The following SETX variants were observed in gnomAD, a reference collection of about 807,000 sequenced individuals.
SETX encodes helicase senataxin.
A neutral mutation model predicts 227.2 loss-of-function variants in SETX; 90 were observed. The ratio of observed to expected loss-of-function variants is 0.40; its 90% CI spans 0.33 to 0.47. The LOEUF (loss-of-function observed/expected upper bound fraction) is 0.47, where lower values mean the gene tolerates loss of function less well. Among genes scored for constraint, SETX ranks in the 20% least tolerant of loss-of-function variants. SETX has a pLI of 0.91. For missense variants in SETX, 3,052 were observed against 3,181.5 expected (o/e 0.96, Z 0.98); for synonymous variants, 1,210 against 1,113.2 (o/e 1.09, Z -1.73).
At chr9:132,283,243 T>A in intron 19 of SETX, 21 bp downstream of exon 19, 1 of 1,613,904 alleles carries the variant, frequency 6.2e-7, no homozygotes. Flanking sequence ...GTCAAAGTTG[T>A]ATGGCTGACC....
At chr9:132,287,295 G>C (rs1346510176) in intron 17 of SETX, among the ~76,000 whole-genome samples, 1 of 152,098 alleles carries the variant, frequency 6.6e-6, no homozygotes, top group Non-Finnish European at 1.5e-5. Flanking sequence ...ACCACCCTGG[G>C]CAACATGGCA....
chr9:132,327,175 T>G lies in SETX; in HGVS notation c.4423A>C (p.Ile1475Leu). The change falls in exon 10 of 26, where the codon ATA becomes CTA. Residue 1475 changes from isoleucine (I) to leucine (L), a missense_variant. By Grantham distance (5) the Ile-to-Leu change is conservative. Coordinates refer to ENST00000224140, the MANE Select transcript of SETX (RefSeq NM_015046.7). ...CCTTCTTTCAAAGCTGCCATCTCTA[T>G]ATGACGTGCTGTTGGATCACCTCCA... ...LGGGDPTARH[I>L]EMAALKEGEP... is the part of the protein sequence containing the mutation. 6.2e-7 allele frequency: 1 copy of G among 1,614,228 alleles called. No individual in the cohort carries two copies. The highest frequency in any genetic ancestry group is 8.5e-7 in the Non-Finnish European group (1 of 1,180,034).
Position 132,283,491 on chromosome 9 carries a change from C to T in SETX, c.6397-78G>A, listed in dbSNP as rs554839680. 19 of 1,493,862 alleles carry T rather than the reference C, an allele frequency of 1.3e-5. No homozygotes were observed. The South Asian group carries it at 1.6e-4, about 13-fold the overall frequency. The allele number at this position is 1,493,862 out of a possible 1,614,324, so 92.5% of individuals were successfully genotyped here. On this transcript the variant is annotated intron_variant, in intron 18 of 25. Transcript: ENST00000224140. ...TGACAGGCCTATGTTTACTATAAAACACTCACTATTTATTAAAATAGATTT... is the reference window on the plus strand; with the variant it reads ...TGACAGGCCTATGTTTACTATAAAATACTCACTATTTATTAAAATAGATTT...
chr9:132,348,145 C>T (rs539474651), intron 3 of SETX, among the ~76,000 whole-genome samples: 3 of 151,282 alleles, frequency 2.0e-5, no homozygotes, highest in South Asian at 2.1e-4. Flanking sequence ...GATCACCTGA[C>T]GTCAGGAGTT....
At chr9:132,292,415 CAAAAAAAAAA>C (rs60253119) in intron 15 of SETX, among the ~76,000 whole-genome samples, 8 of 61,092 alleles carry the variant, frequency 1.3e-4, no homozygotes, top group African/African-American at 3.2e-4. Context: ...AGCTGGGGTA[CAAAAAAAAAA>C]AAAAAAAAAA....
At chr9:132,331,174 C>G (rs1199060000) in intron 8 of SETX, 35 bp from the exon 9 acceptor site, 8 of 1,607,296 alleles carry the variant, frequency 5.0e-6, no homozygotes, top group Non-Finnish European at 6.8e-6. Flanking sequence ...ATTACTGAAA[C>G]GAAGGGGGAA....
intron 24 of SETX, 59 bp from the exon 25 acceptor site, chr9:132,269,761 G>A: frequency 6.6e-7 from 1 of 1,515,970 alleles, no homozygotes; most frequent in Non-Finnish European, 9.2e-7. Flanking sequence ...GCCCATGTGA[G>A]ACAAAGGTGG....
At chr9:132,336,264 A>G (rs1230775080) in intron 6 of SETX, 32 bp downstream of exon 6, 2 of 1,558,276 alleles carry the variant, frequency 1.3e-6, no homozygotes, top group Non-Finnish European at 1.8e-6. Flanking sequence ...ATACGAAAAT[A>G]CCAATTATAT....
intron 20 of SETX, among the ~76,000 whole-genome samples, chr9:132,278,969 C>T (rs1444639951): frequency 1.3e-5 from 2 of 152,174 alleles, no homozygotes; most frequent in Non-Finnish European, 2.9e-5. Flanking sequence ...GAAACAGACT[C>T]GACTTATGTG....
chr9:132,275,565 A>G (rs779838163), intron 22 of SETX, 145 bp from the exon 23 acceptor site: 94 of 669,176 alleles, frequency 1.4e-4, no homozygotes, highest in Non-Finnish European at 2.2e-4. Flanking sequence ...CAGTGACTCC[A>G]AGAGGCTGTT....
intron 2 of SETX, among the ~76,000 whole-genome samples, chr9:132,353,168 T>C (rs1748654861): frequency 6.6e-6 from 1 of 152,104 alleles, no homozygotes; most frequent in South Asian, 2.1e-4. Context: ...ATTGCTGAGC[T>C]CAACACACAC....
At position 132,264,593 on chromosome 9, in the gene SETX, G is replaced by A. The variant is rs764041020; in HGVS notation, c.7680C>T (p.Pro2560=). ...TTGCTCCAGGATGCTGGGGGCTCGA[G>A]GGTTGTGGATCCCAAAGGAATATTC... ...KGGIFLWDPQ[P]SSPQHPGATP... The change falls in exon 26 of 26, where the codon CCC becomes CCT. Residue 2560 remains proline (P), a synonymous_variant. Coordinates refer to ENST00000224140, the MANE Select transcript of SETX (RefSeq NM_015046.7). The A allele has an allele frequency of 2.5e-6, 4 of 1,614,206 alleles. No individual in the cohort carries two copies. The highest frequency in any genetic ancestry group is 1.3e-5 in the African/African-American group (1 of 75,036).
chr9:132,314,877 A>AATTATT (rs201618792), intron 10 of SETX, among the ~76,000 whole-genome samples: 13 of 148,446 alleles, frequency 8.8e-5, no homozygotes, highest in African/African-American at 3.2e-4. Flanking sequence ...CTTTAAAAAA[A>AATTATT]ATTATTATTA....
At chr9:132,316,679 A>C (rs1030641136) in intron 10 of SETX, among the ~76,000 whole-genome samples, 28 of 152,018 alleles carry the variant, frequency 1.8e-4, no homozygotes, top group African/African-American at 6.5e-4. Flanking sequence ...TCCTTTCCCC[A>C]CTGATTTGTG....
chr9:132,285,619 C>T (rs750797463), intron 18 of SETX, among the ~76,000 whole-genome samples: 139 of 152,156 alleles, frequency 9.1e-4, no homozygotes, highest in South Asian at 1.9e-3. Flanking sequence ...TGGTGGCTCA[C>T]GCCTGTAATC....
At chr9:132,315,698 T>C (rs559739819) in intron 10 of SETX, among the ~76,000 whole-genome samples, 3 of 152,328 alleles carry the variant, frequency 2.0e-5, no homozygotes, top group East Asian at 1.9e-4. Context: ...TGCACAAAAA[T>C]TGTCCACCCA....
At position 132,268,600 on chromosome 9, in the gene SETX, A is replaced by C. The variant is rs1303981152; in HGVS notation, c.7287+1015T>G. On this transcript the variant is annotated intron_variant, in intron 25 of 25. Transcript: ENST00000224140. ...GATTACCCCAGTGAATCTTAGCCTA[A>C]ACAAGCAGGAATGGAAGTACAATTT... is the stretch of plus-strand genomic sequence containing the variant. 1.3e-5 allele frequency among the ~76,000 whole-genome samples: 2 copies of C among 152,244 alleles called. 1 individual carries two copies. The highest frequency in any genetic ancestry group is 4.8e-5 in the African/African-American group (2 of 41,480).
chr9:132,274,589 G>A (rs553637633), intron 23 of SETX, among the ~76,000 whole-genome samples: 4 of 151,852 alleles, frequency 2.6e-5, no homozygotes, highest in Middle Eastern at 3.4e-3. Context: ...CTACGGGAGC[G>A]CGCCACCACG....
rs551253164 is a variant in SETX, at chr9:132,350,587, C to T, written c.-7-1152G>A. 5.9e-5 allele frequency among the ~76,000 whole-genome samples: 9 copies of T among 151,988 alleles called. No homozygotes were observed. The South Asian group carries it at 1.5e-3, about 25-fold the overall frequency. On this transcript the variant is annotated intron_variant, in intron 2 of 25. Coordinates refer to ENST00000224140, the MANE Select transcript of SETX (RefSeq NM_015046.7). ...AAAATTCTTTAATTTCTTCTTATAC[C>T]CACAATTAAATAATTATTTAGAAAT...
Sources: gnomAD v4.1 joint callset for allele counts (sites outside exome capture counted in the v4.1 genomes callset) on GRCh38, gnomAD v4.1.1 for gene constraint, MANE v1.5 for transcripts, NCBI Gene and HGNC (gene_info 2026-07-23, HGNC 2026-07-21) for gene names.